The following PPP2R5C variants were observed in gnomAD, a reference collection of about 807,000 sequenced individuals.
PPP2R5C encodes the protein serine/threonine-protein phosphatase 2A 56 kDa regulatory subunit gamma isoform.
PPP2R5C carries 7 observed loss-of-function variants against 68.9 expected under a neutral mutation model. That is an observed-to-expected ratio of 0.10 (90% CI 0.06 to 0.19). The LOEUF (loss-of-function observed/expected upper bound fraction) is 0.19, where lower values mean the gene tolerates loss of function less well. PPP2R5C is among the 10% of genes least tolerant of loss of function. The pLI is 1.00. For synonymous variants in PPP2R5C, 210 were observed against 222.2 expected (o/e 0.95, Z 0.49); for missense variants, 348 against 641.3 (o/e 0.54, Z 4.94).
chr14:101,909,465 A>G (rs776033778), intron 10 of PPP2R5C, 124 bp from the exon 13 acceptor site: 9 of 573,938 alleles, frequency 1.6e-5, no homozygotes, highest in African/African-American at 3.7e-5. Context: ...CAGGCCTTGC[A>G]TTTTAGACCT....
At chr14:101,812,506 A>G (rs892139255) in intron 1 of PPP2R5C, among the ~76,000 whole-genome samples, 2 of 152,242 alleles carry the variant, frequency 1.3e-5, no homozygotes, top group Non-Finnish European at 2.9e-5. Context: ...GAAGTGGTGG[A>G]GCCAGAATCC....
In PPP2R5C at chr14:101,883,240, GT is replaced by G. The variant is rs745713697; in HGVS notation, c.406-9del. On this transcript the variant is annotated splice_polypyrimidine_tract_variant and intron_variant, in intron 3 of 13. Coordinates refer to ENST00000334743, the Ensembl canonical transcript of PPP2R5C. ...AAAATCTCATGTTATTTGACTCATT[GT>G]TTTTTTTCCTCCTAGCTTGTTTATG... is the stretch of plus-strand genomic sequence containing the variant. The G allele has an allele frequency of 8.1e-6, 12 of 1,476,194 alleles. No homozygotes were observed. The highest frequency in any genetic ancestry group is 2.2e-5 in the Admixed American group (1 of 46,028). The allele number at this position is 1,476,194 out of a possible 1,614,324, so 91.4% of individuals were successfully genotyped here.
intron 1 of PPP2R5C, among the ~76,000 whole-genome samples, chr14:101,830,011 T>C (rs1332311911): frequency 6.6e-6 from 1 of 152,222 alleles, no homozygotes; most frequent in Non-Finnish European, 1.5e-5. Context: ...TTGCTTAGCT[T>C]TCCTGCCTAG....
At chr14:101,895,796 C>T (rs989216640) in intron 8 of PPP2R5C, among the ~76,000 whole-genome samples, 5 of 152,084 alleles carry the variant, frequency 3.3e-5, no homozygotes, top group Admixed American at 1.3e-4. Context: ...CAAATATTTG[C>T]TATAATCCCC....
chr14:101,898,106 G>A (rs1595503173), intron 8 of PPP2R5C, among the ~76,000 whole-genome samples: 1 of 152,142 alleles, frequency 6.6e-6, no homozygotes. Flanking sequence ...GCTGCAGTGA[G>A]CTATGAACGC....
At chr14:101,785,975 A>G in intron 2 of PPP2R5C, 43 bp from the exon 3 acceptor site, 1 of 1,472,422 alleles carries the variant, frequency 6.8e-7, no homozygotes, top group Non-Finnish European at 9.0e-7. Context: ...TACAAAATAC[A>G]ACCATTGTAC....
chr14:101,858,673 T>C (rs2042578980), intron 2 of PPP2R5C, among the ~76,000 whole-genome samples: 1 of 152,202 alleles, frequency 6.6e-6, no homozygotes, highest in Admixed American at 6.5e-5. Context: ...CATTTTATTT[T>C]ACTGTATGTT....
chr14:101,862,161 A>G (rs1231874810), intron 2 of PPP2R5C, among the ~76,000 whole-genome samples: 1 of 152,016 alleles, frequency 6.6e-6, no homozygotes, highest in East Asian at 1.9e-4. Context: ...AGCAATCCAC[A>G]CGCCTCAGCC....
chr14:101,797,450 A>C lies in PPP2R5C; in HGVS notation c.259+11267A>C, dbSNP rs2038666696. 1 of 370,622 alleles carries C rather than the reference A, an allele frequency of 2.7e-6. No homozygotes were observed. Among genetic ancestry groups the C allele is most frequent in the Non-Finnish European group, 5.5e-6 (1 of 183,010 alleles). 23.0% of individuals were successfully genotyped at this position (370,622 alleles called of 1,614,324 possible). On this transcript the variant is annotated intron_variant, in intron 3 of 14. Coordinates refer to the PPP2R5C transcript ENST00000328724. The surrounding 1 kb of genome is among the most constrained non-coding windows in gnomAD (Gnocchi z 4.2). ...CAGGAAACACACAGTGTGTCTCCTG[A>C]AGGAATGAAAAGCCCTCCTGGCCCC... is the stretch of plus-strand genomic sequence containing the variant.
At position 101,906,850 on chromosome 14, in the gene PPP2R5C, C is replaced by T. The variant is rs1031230776; in HGVS notation, c.1151+321C>T. Among the ~76,000 whole-genome samples, 1 of 152,084 alleles carries T rather than the reference C, an allele frequency of 6.6e-6. No individual in the cohort carries two copies. The highest frequency in any genetic ancestry group is 2.4e-5 in the African/African-American group (1 of 41,396). On this transcript the variant is annotated intron_variant, in intron 10 of 13. Transcript: ENST00000334743. The surrounding 1 kb of genome is among the most constrained non-coding windows in gnomAD (Gnocchi z 4.0). ...TGCAGAGCCCAGTGGGGCTCAGCCC[C>T]GGCGGGGGCACAGTGGCCACTGCAT...
In PPP2R5C at chr14:101,878,375, T is replaced by G. The variant is rs187595388; in HGVS notation, c.295-3786T>G. Among the ~76,000 whole-genome samples the G allele has an allele frequency of 4.6e-5, 7 of 152,324 alleles. No homozygotes were observed. In the East Asian group the frequency reaches 1.4e-3, roughly 29 times the overall value. ...CTGAGTCACCTTGCAGGCCCTCAGC[T>G]CAGCATCAAGGATTCAGTGAGTGTG... On this transcript the variant is annotated intron_variant, in intron 2 of 13. Coordinates refer to ENST00000334743, the Ensembl canonical transcript of PPP2R5C.
chr14:101,880,974 T>C (rs2044135335), intron 2 of PPP2R5C, among the ~76,000 whole-genome samples: 1 of 152,114 alleles, frequency 6.6e-6, no homozygotes, highest in Non-Finnish European at 1.5e-5. Context: ...ATTTTGTGCT[T>C]CTGAGAGTGG....
intron 1 of PPP2R5C, among the ~76,000 whole-genome samples, chr14:101,830,308 G>A (rs1280558683): frequency 6.6e-6 from 1 of 152,114 alleles, no homozygotes; most frequent in Non-Finnish European, 1.5e-5. Flanking sequence ...GTAGAACTTG[G>A]GAACTCTACA....
chr14:101,895,874 G>T (rs1273071074), intron 8 of PPP2R5C, among the ~76,000 whole-genome samples: 1 of 152,140 alleles, frequency 6.6e-6, no homozygotes, highest in Admixed American at 6.5e-5. Flanking sequence ...TGTATGTTTA[G>T]CTGCGGGACA....
rs1260008925 is a variant in PPP2R5C, at chr14:101,762,890, C to T, written c.28-15C>T. ...AAAGTGAGAAGACTAATTGACTTTG[C>T]TTGATGTTTACCAGGAATCACCAAA... On this transcript the variant is annotated splice_polypyrimidine_tract_variant and intron_variant, in intron 1 of 14. Coordinates refer to the PPP2R5C transcript ENST00000328724. The T allele has an allele frequency of 6.4e-7, 1 of 1,574,482 alleles. No individual in the cohort carries two copies. Among genetic ancestry groups the T allele is most frequent in the Non-Finnish European group, 8.6e-7 (1 of 1,158,740 alleles).
intron 3 of PPP2R5C, among the ~76,000 whole-genome samples, chr14:101,804,408 A>G (rs1325239697): frequency 3.3e-5 from 5 of 152,226 alleles, no homozygotes; most frequent in East Asian, 1.9e-4. Context: ...TATCAAAGAG[A>G]TATCTGCACT....
chr14:101,849,606 A>G (rs1338812455), intron 1 of PPP2R5C, among the ~76,000 whole-genome samples: 2 of 99,626 alleles, frequency 2.0e-5, no homozygotes, highest in Non-Finnish European at 4.6e-5. Flanking sequence ...AAATAGTTCT[A>G]TCCTGTGCCT....
upstream of PPP2R5C, among the ~76,000 whole-genome samples, chr14:101,807,043 A>G (rs1448337302): frequency 6.6e-6 from 1 of 151,978 alleles, no homozygotes; most frequent in Non-Finnish European, 1.5e-5. Context: ...TTTACATGTT[A>G]TTTTTTTGCT....
At chr14:101,898,695 G>T (rs1284876504) in intron 8 of PPP2R5C, among the ~76,000 whole-genome samples, 2 of 152,096 alleles carry the variant, frequency 1.3e-5, no homozygotes, top group Non-Finnish European at 1.5e-5. Flanking sequence ...TTCCCACCCG[G>T]GGACACTTCA....
Sources: gnomAD v4.1 joint callset for allele counts (sites outside exome capture counted in the v4.1 genomes callset) on GRCh38, gnomAD v4.1.1 for gene constraint, Gnocchi (gnomAD v3.1) non-coding constraint, MANE v1.5 for transcripts, NCBI Gene and HGNC (gene_info 2026-07-23, HGNC 2026-07-21) for gene names.